The following XYLT1 variants were observed in gnomAD, a reference collection of about 807,000 sequenced individuals.
XYLT1 encodes xylosyltransferase 1.
XYLT1 carries 36 observed loss-of-function variants against 91.3 expected under a neutral mutation model. That is an observed-to-expected ratio of 0.39 (90% confidence interval 0.30 to 0.52). The LOEUF (loss-of-function observed/expected upper bound fraction) is 0.52, where lower values mean the gene tolerates loss of function less well. XYLT1 is among the 20% of genes least tolerant of loss of function. The pLI is 0.68. For missense variants in XYLT1, 1,242 were observed against 1,284.5 expected, an observed-to-expected ratio of 0.97 and a Z score of 0.51; for synonymous variants, 588 against 532.0, an observed-to-expected ratio of 1.11 and a Z score of -1.45.
At chr16:17,383,884 A>G (rs2035714600) in intron 1 of XYLT1, among the ~76,000 whole-genome samples, 1 of 151,396 alleles carries the variant, frequency 6.6e-6, no homozygotes, top group Non-Finnish European at 1.5e-5. Context: ...AGTAGCTGGG[A>G]TTATAGGTGC....
intron 1 of XYLT1, among the ~76,000 whole-genome samples, chr16:17,454,500 C>T (rs924396370): frequency 7.2e-5 from 11 of 151,850 alleles, no homozygotes; most frequent in Admixed American, 7.2e-4. Flanking sequence ...ATGAAATGGA[C>T]ATGGCTGTGT....
At chr16:17,134,203 T>C (rs2030614477) in intron 9 of XYLT1, among the ~76,000 whole-genome samples, 1 of 152,172 alleles carries the variant, frequency 6.6e-6, no homozygotes, top group South Asian at 2.1e-4. Context: ...AAAGCTTCCT[T>C]CTAAAGTATA....
chr16:17,257,317 C>A (rs1311715077), intron 3 of XYLT1, among the ~76,000 whole-genome samples: 1 of 152,138 alleles, frequency 6.6e-6, no homozygotes, highest in Non-Finnish European at 1.5e-5. Context: ...AAAGGACTCT[C>A]CCTGTTAGCT....
chr16:17,327,385 T>G (rs1178939843), intron 2 of XYLT1, among the ~76,000 whole-genome samples: 1 of 137,326 alleles, frequency 7.3e-6, no homozygotes, highest in Non-Finnish European at 1.5e-5. Context: ...TTTTTTGAGA[T>G]AGAGTCTCGC....
chr16:17,235,258 G>A (rs1489217228), intron 3 of XYLT1, among the ~76,000 whole-genome samples: 3 of 151,194 alleles, frequency 2.0e-5, no homozygotes, highest in South Asian at 2.1e-4. Flanking sequence ...AAGTTGAGAC[G>A]TGTTGAAAGT....
chr16:17,441,669 C>G (rs2036533968), intron 1 of XYLT1, among the ~76,000 whole-genome samples: 1 of 152,112 alleles, frequency 6.6e-6, no homozygotes, highest in Non-Finnish European at 1.5e-5. Flanking sequence ...TTTTAAATAG[C>G]AGGTACTCTA....
At position 17,168,638 on chromosome 16, in the gene XYLT1, G is replaced by C. The variant is rs1404470076; in HGVS notation, c.1290-9729C>G. ...GTTTAAAAAGTAGTCCAAATTTACA[G>C]AGACTTATTTTGCTAAGATACGGAG... On this transcript the variant is annotated intron_variant, in intron 5 of 11. Coordinates refer to ENST00000261381, the MANE Select transcript of XYLT1 (RefSeq NM_022166.4). Among the ~76,000 whole-genome samples the C allele has an allele frequency of 2.6e-5, 4 of 152,140 alleles. No individual in the cohort carries two copies. The East Asian group carries it at 7.7e-4, about 29-fold the overall frequency.
chr16:17,361,305 C>T (rs2035378190), intron 1 of XYLT1, among the ~76,000 whole-genome samples: 1 of 152,314 alleles, frequency 6.6e-6, no homozygotes. Context: ...CTACAGCGTG[C>T]AGCCACGCCC....
At chr16:17,406,325 C>T (rs995357941) in intron 1 of XYLT1, among the ~76,000 whole-genome samples, 3 of 152,226 alleles carry the variant, frequency 2.0e-5, no homozygotes, top group Admixed American at 6.5e-5. Context: ...CTGCATGTAG[C>T]TTGTTCTCAA....
At chr16:17,302,796 G>C (rs1024161749) in intron 2 of XYLT1, among the ~76,000 whole-genome samples, 2 of 150,938 alleles carry the variant, frequency 1.3e-5, no homozygotes, top group East Asian at 3.9e-4. Context: ...AAAGGTTCCA[G>C]AAAAAAGCCA....
At chr16:17,411,053 C>T (rs1179379560) in intron 1 of XYLT1, among the ~76,000 whole-genome samples, 2 of 152,222 alleles carry the variant, frequency 1.3e-5, no homozygotes, top group East Asian at 1.9e-4. Flanking sequence ...CCGGGGCCCT[C>T]GAACCTGCCT....
intron 2 of XYLT1, among the ~76,000 whole-genome samples, chr16:17,354,179 C>T (rs2035261163): frequency 6.6e-6 from 1 of 152,172 alleles, no homozygotes. Flanking sequence ...TTCATCACTG[C>T]AAGTCAGGGC....
chr16:17,254,362 ACTT>A (rs1446718887), intron 3 of XYLT1, among the ~76,000 whole-genome samples: 1 of 152,030 alleles, frequency 6.6e-6, no homozygotes. Context: ...GATTTTCTTA[ACTT>A]CTTTTCTCTA....
chr16:17,126,365 T>C (rs745980259), intron 10 of XYLT1, among the ~76,000 whole-genome samples: 5 of 152,188 alleles, frequency 3.3e-5, no homozygotes, highest in Non-Finnish European at 5.9e-5. Context: ...CTCAGGCCCC[T>C]AGCACAGAAT....
In XYLT1 at chr16:17,300,452, C is replaced by CTTTTTTTTTTTTT. The variant is rs67480834; in HGVS notation, c.403-40967_403-40955dup. On this transcript the variant is annotated intron_variant, in intron 2 of 11. Coordinates refer to ENST00000261381, the MANE Select transcript of XYLT1 (RefSeq NM_022166.4). ...CAGCTATTTCTTTCTTTCATTCTTT[C>CTTTTTTTTTTTTT]TTTTTTTTTTTTTTTTTTTTTTGAG... Among the ~76,000 whole-genome samples, 392 of 64,814 alleles carry CTTTTTTTTTTTTT rather than the reference C, an allele frequency of 6.0e-3. 35 individuals are homozygous for CTTTTTTTTTTTTT. The highest frequency in any genetic ancestry group is 9.2e-3 in the East Asian group (15 of 1,634). 42.5% of individuals were successfully genotyped at this position (64,814 alleles called of 152,430 possible). A position where few individuals can be genotyped will look rare whatever the true frequency, so the allele number is the denominator to read the frequency against.
At chr16:17,250,714 A>G (rs1297894255) in intron 3 of XYLT1, 3 of 152,322 alleles carry the variant, frequency 2.0e-5, no homozygotes, top group Non-Finnish European at 4.4e-5. Context: ...ATGAACTGTT[A>G]CTGGATACCT....
chr16:17,188,684 T>A (rs910012444), intron 5 of XYLT1, among the ~76,000 whole-genome samples: 11 of 152,198 alleles, frequency 7.2e-5, no homozygotes, highest in African/African-American at 2.7e-4. Context: ...ACTCCTGTGA[T>A]CTCTGTGATT....
intron 1 of XYLT1, among the ~76,000 whole-genome samples, chr16:17,414,560 TG>T (rs1175969776): frequency 1.3e-5 from 2 of 152,196 alleles, no homozygotes; most frequent in African/African-American, 4.8e-5. Flanking sequence ...TGAGTCTCCT[TG>T]TAAGCGCCTT....
At chr16:17,346,826 G>T (rs1299369373) in intron 2 of XYLT1, among the ~76,000 whole-genome samples, 1 of 152,108 alleles carries the variant, frequency 6.6e-6, no homozygotes, top group Non-Finnish European at 1.5e-5. Context: ...CAATAAAACT[G>T]CATTTCTGTC....
Sources: gnomAD v4.1 joint callset for allele counts (sites outside exome capture counted in the v4.1 genomes callset) on GRCh38, gnomAD v4.1.1 for gene constraint, MANE v1.5 for transcripts, NCBI Gene and HGNC (gene_info 2026-07-23, HGNC 2026-07-21) for gene names.